The following STAU2 variants were observed in gnomAD, a reference collection of about 807,000 sequenced individuals.
The protein encoded by STAU2 is staufen double-stranded RNA binding protein 2.
In STAU2, 20 loss-of-function variants were observed where a neutral mutation model predicts 65.9. That is an observed-to-expected ratio of 0.30 (90% CI 0.21 to 0.44). STAU2 has a LOEUF of 0.44. Ranked by LOEUF, STAU2 falls within the 20% of genes least tolerant of loss-of-function variation. The probability of loss-of-function intolerance (pLI) is 1.00; values close to 1 mark genes in which losing one functional copy is unlikely to be tolerated. For missense variants in STAU2, 558 were observed against 683.9 expected (o/e 0.82, Z 2.05); for synonymous variants, 232 against 233.9 (o/e 0.99, Z 0.07).
chr8:73,720,250 G>A (rs1453562117), intron 3 of STAU2, among the ~76,000 whole-genome samples: 7 of 132,476 alleles, frequency 5.3e-5, no homozygotes, highest in Admixed American at 2.3e-4. Flanking sequence ...CAGCCTGGGC[G>A]ACAGAGTGAG....
At chr8:73,577,352 G>A (rs949277734) in intron 12 of STAU2, among the ~76,000 whole-genome samples, 7 of 151,660 alleles carry the variant, frequency 4.6e-5, no homozygotes, top group East Asian at 1.9e-4. Context: ...GCATGAACCC[G>A]GGAGGCGAAG....
At chr8:73,690,595 C>T (rs1403264836) in intron 4 of STAU2, among the ~76,000 whole-genome samples, 1 of 152,104 alleles carries the variant, frequency 6.6e-6, no homozygotes, top group Non-Finnish European at 1.5e-5. Flanking sequence ...AGTGAAGTGT[C>T]ATGGTAGCTG....
chr8:73,540,281 C>T (rs1806460312), intron 13 of STAU2, among the ~76,000 whole-genome samples: 1 of 152,146 alleles, frequency 6.6e-6, no homozygotes, highest in Admixed American at 6.5e-5. Context: ...AAGGAGAAGG[C>T]CATGTGAAGA....
chr8:73,503,139 G>A (rs1821856081), intron 13 of STAU2, among the ~76,000 whole-genome samples: 2 of 152,114 alleles, frequency 1.3e-5, no homozygotes, highest in South Asian at 2.1e-4. Context: ...CAGGAGCTAA[G>A]CAAAAGGTCT....
intron 13 of STAU2, among the ~76,000 whole-genome samples, chr8:73,499,276 C>T (rs1170389028): frequency 2.0e-5 from 3 of 151,770 alleles, no homozygotes; most frequent in Non-Finnish European, 4.4e-5. Flanking sequence ...TCTGGAGAAC[C>T]CTGACTGACA....
chr8:73,540,214 C>T (rs539085828), intron 13 of STAU2, among the ~76,000 whole-genome samples: 16 of 152,172 alleles, frequency 1.1e-4, no homozygotes, highest in South Asian at 2.1e-4. Flanking sequence ...TGGGTAGACT[C>T]GAAATCTAAT....
intron 9 of STAU2, among the ~76,000 whole-genome samples, chr8:73,606,738 G>A (rs1331121210): frequency 6.6e-6 from 1 of 152,128 alleles, no homozygotes; most frequent in African/African-American, 2.4e-5. Flanking sequence ...TTACCCAAGA[G>A]AAATGAAAGC....
chr8:73,563,921 A>G (rs1232684589), intron 12 of STAU2, among the ~76,000 whole-genome samples: 2 of 152,240 alleles, frequency 1.3e-5, no homozygotes, highest in African/African-American at 4.8e-5. Flanking sequence ...TATACAGACC[A>G]AAATACCTTT....
rs147114463 is a variant in STAU2, at chr8:73,715,755, A to G, written c.-17-6593T>C. On this transcript the variant is annotated intron_variant, in intron 3 of 14. Transcript: ENST00000524300. The stretch of plus-strand genomic sequence containing the variant: ...ACAAGACTATAATAGCAAAAACTAT[A>G]AATGAGATAAATATTATTATTTACC... Among the ~76,000 whole-genome samples, 385 of 152,318 alleles carry G rather than the reference A, an allele frequency of 2.5e-3. 4 individuals carry two copies. Among genetic ancestry groups the G allele is most frequent in the African/African-American group, 8.7e-3 (361 of 41,578 alleles).
intron 13 of STAU2, among the ~76,000 whole-genome samples, chr8:73,426,793 C>T (rs533916628): frequency 2.0e-5 from 3 of 152,236 alleles, no homozygotes; most frequent in Admixed American, 6.5e-5. Flanking sequence ...AGTATCCTAT[C>T]GATATCCTGT....
intron 6 of STAU2, among the ~76,000 whole-genome samples, chr8:73,650,573 T>C (rs1815785315): frequency 1.3e-5 from 2 of 152,182 alleles, no homozygotes; most frequent in Non-Finnish European, 2.9e-5. Flanking sequence ...TGACAAATGA[T>C]AACCCCCATC....
intron 6 of STAU2, among the ~76,000 whole-genome samples, chr8:73,668,567 T>G (rs1469643751): frequency 6.6e-6 from 1 of 152,224 alleles, no homozygotes; most frequent in African/African-American, 2.4e-5. Context: ...ATAAGAAAGA[T>G]GGGAGAACAA....
chr8:73,575,730 T>C (rs1019993922), intron 12 of STAU2, among the ~76,000 whole-genome samples: 1 of 152,134 alleles, frequency 6.6e-6, no homozygotes, highest in South Asian at 2.1e-4. Context: ...TATATTTGAA[T>C]TTGTGTGTGT....
chr8:73,599,517 G>C (rs1204121851), intron 10 of STAU2, among the ~76,000 whole-genome samples: 1 of 152,110 alleles, frequency 6.6e-6, no homozygotes, highest in African/African-American at 2.4e-5. Flanking sequence ...AAAAAAGTTA[G>C]AAAGTTTCAA....
At chr8:73,571,959 G>A (rs1410023550) in intron 12 of STAU2, among the ~76,000 whole-genome samples, 1 of 152,060 alleles carries the variant, frequency 6.6e-6, no homozygotes, top group Admixed American at 6.5e-5. Context: ...ATGAATCCAG[G>A]AAGCGGTTTT....
At chr8:73,488,848 T>C (rs1821036285) in intron 13 of STAU2, among the ~76,000 whole-genome samples, 1 of 152,024 alleles carries the variant, frequency 6.6e-6, no homozygotes, top group Admixed American at 6.6e-5. Flanking sequence ...AATACAATGC[T>C]TAATAACTCA....
At chr8:73,430,083 G>A (rs1817149105) in intron 13 of STAU2, among the ~76,000 whole-genome samples, 1 of 152,190 alleles carries the variant, frequency 6.6e-6, no homozygotes, top group Non-Finnish European at 1.5e-5. Context: ...CAAGACTACT[G>A]GATTCTCCAT....
At chr8:73,500,316 C>T (rs953854627) in intron 13 of STAU2, among the ~76,000 whole-genome samples, 1 of 151,932 alleles carries the variant, frequency 6.6e-6, no homozygotes, top group Admixed American at 6.6e-5. Context: ...CAATGCCTAC[C>T]TACCACTTCG....
intron 13 of STAU2, among the ~76,000 whole-genome samples, chr8:73,444,475 T>G (rs1818360106): frequency 6.6e-6 from 1 of 151,002 alleles, no homozygotes; most frequent in African/African-American, 2.4e-5. Context: ...CCCAGTGACA[T>G]GACCACACCT....
Sources: allele counts gnomAD v4.1 joint callset (sites outside exome capture counted in the v4.1 genomes callset), GRCh38; gene constraint gnomAD v4.1.1; transcripts MANE v1.5; gene names NCBI Gene and HGNC (gene_info 2026-07-23, HGNC 2026-07-21).